The following GRIN2A variants were observed in gnomAD, a reference collection of about 807,000 sequenced individuals.
The protein encoded by GRIN2A is glutamate receptor ionotropic, NMDA 2A.
In GRIN2A, 22 loss-of-function variants were observed where a neutral mutation model predicts 113.4. That is an observed-to-expected ratio of 0.19 (90% confidence interval 0.14 to 0.28). The LOEUF is 0.28. GRIN2A is among the 10% of genes least tolerant of loss of function. The probability of loss-of-function intolerance (pLI) is 1.00; values close to 1 mark genes in which losing one functional copy is unlikely to be tolerated. For missense variants in GRIN2A, 1,502 were observed against 1,887.0 expected (o/e 0.80, Z 3.78); for synonymous variants, 827 against 738.4 (o/e 1.12, Z -1.94).
chr16:10,131,820 T>C (rs534206473), intron 2 of GRIN2A, among the ~76,000 whole-genome samples: 15 of 152,312 alleles, frequency 9.8e-5, no homozygotes, highest in Non-Finnish European at 1.6e-4. Flanking sequence ...CTAATATCCC[T>C]CTGCCTAGAG....
chr16:9,899,970 T>C (rs7202517), intron 3 of GRIN2A, among the ~76,000 whole-genome samples: 4,479 of 152,238 alleles, frequency 0.029, 222 homozygotes, highest in African/African-American at 0.1. Context: ...TTTGTTTCCT[T>C]TTCTGTAAAA....
intron 12 of GRIN2A, among the ~76,000 whole-genome samples, chr16:9,766,397 C>T (rs1045692304): frequency 6.6e-6 from 1 of 152,216 alleles, no homozygotes; most frequent in African/African-American, 2.4e-5. Context: ...CCACTCCAGC[C>T]TTCAAGGAAC....
chr16:10,093,169 A>G (rs1170080695), intron 2 of GRIN2A, among the ~76,000 whole-genome samples: 1 of 152,222 alleles, frequency 6.6e-6, no homozygotes, highest in Non-Finnish European at 1.5e-5. Flanking sequence ...AAAGAAGAGC[A>G]AGTGGGGCTC....
chr16:10,052,509 C>A (rs2047376016), intron 2 of GRIN2A, among the ~76,000 whole-genome samples: 1 of 152,192 alleles, frequency 6.6e-6, no homozygotes, highest in Non-Finnish European at 1.5e-5. Context: ...TCGCCATCTG[C>A]CCCAGGGGAC....
intron 4 of GRIN2A, among the ~76,000 whole-genome samples, chr16:9,859,637 C>G (rs1221823251): frequency 6.6e-6 from 1 of 150,982 alleles, no homozygotes; most frequent in Non-Finnish European, 1.5e-5. Context: ...CACACACACA[C>G]ACACACAGAG....
At chr16:9,922,970 G>A (rs2044385967) in intron 3 of GRIN2A, among the ~76,000 whole-genome samples, 1 of 152,066 alleles carries the variant, frequency 6.6e-6, no homozygotes, top group Admixed American at 6.6e-5. Context: ...TTGTTGGGTG[G>A]AGTGTTCCAC....
intron 2 of GRIN2A, among the ~76,000 whole-genome samples, chr16:10,092,475 T>C (rs141484083): frequency 1.3e-5 from 2 of 152,336 alleles, no homozygotes; most frequent in African/African-American, 4.8e-5. Context: ...CTTCAAGAGT[T>C]TGAATTTCTC....
At chr16:10,113,217 T>C (rs1161461343) in intron 2 of GRIN2A, among the ~76,000 whole-genome samples, 1 of 151,784 alleles carries the variant, frequency 6.6e-6, no homozygotes. Context: ...ACCTGGCTTC[T>C]CCTGTAGGGT....
intron 2 of GRIN2A, among the ~76,000 whole-genome samples, chr16:10,103,992 T>G (rs1210923763): frequency 2.0e-5 from 3 of 152,232 alleles, no homozygotes; most frequent in Non-Finnish European, 4.4e-5. Context: ...CCCTTAGTCA[T>G]GTTCCTTTTA....
At chr16:9,837,985 C>T (rs932296719) in intron 7 of GRIN2A, among the ~76,000 whole-genome samples, 4 of 152,122 alleles carry the variant, frequency 2.6e-5, no homozygotes, top group Non-Finnish European at 5.9e-5. Flanking sequence ...AAATCCATAG[C>T]GCTCTGAATG....
chr16:10,002,857 A>G (rs1182622754), intron 2 of GRIN2A, among the ~76,000 whole-genome samples: 1 of 152,220 alleles, frequency 6.6e-6, no homozygotes, highest in Non-Finnish European at 1.5e-5. Context: ...TGTGAACGAG[A>G]GTCACCCAAT....
At chr16:9,913,676 T>C (rs1254899911) in intron 3 of GRIN2A, among the ~76,000 whole-genome samples, 1 of 152,196 alleles carries the variant, frequency 6.6e-6, no homozygotes, top group African/African-American at 2.4e-5. Context: ...CCTTGTATCC[T>C]GGAAAAGAGC....
rs555571201 is a variant in GRIN2A at position 9,759,146 on chromosome 16, A to G, written c.*4003T>C. 33 of 216,776 alleles carry G rather than the reference A, an allele frequency of 1.5e-4. 1 individual carries two copies. Among genetic ancestry groups the G allele is most frequent in the African/African-American group, 6.7e-4 (30 of 44,566 alleles). The allele number at this position is 216,776 out of a possible 1,614,324, so 13.4% of individuals were successfully genotyped here. ...AATATATCCAGCTCCTCTGTAAGGT[A>G]TTTAGAGTTCTCAAATTAGTGTTTA... On this transcript the variant is annotated 3_prime_UTR_variant, in exon 13 of 13. Coordinates refer to ENST00000330684, the MANE Select transcript of GRIN2A (RefSeq NM_001134407.3).
At position 9,754,438 on chromosome 16, in the gene GRIN2A, A is replaced by C. The variant is rs1900278240; in HGVS notation, c.*8711T>G. 1 of 211,012 alleles carries C rather than the reference A, an allele frequency of 4.7e-6. No individual in the cohort carries two copies. The allele number at this position is 211,012 out of a possible 1,614,324, so 13.1% of individuals were successfully genotyped here. A position where few individuals can be genotyped will look rare whatever the true frequency, so the allele number is the denominator to read the frequency against. ...GAACTTATATCTTAAGTAGGCAATT[A>C]GCATCCCTTCCCAGTGAAAAATTTG... On this transcript the variant is annotated 3_prime_UTR_variant, in exon 13 of 13. Transcript: ENST00000330684.
At chr16:10,032,461 G>A (rs765062977) in intron 2 of GRIN2A, among the ~76,000 whole-genome samples, 12 of 152,066 alleles carry the variant, frequency 7.9e-5, no homozygotes, top group Admixed American at 2.6e-4. Context: ...TTCTTTTAGC[G>A]CCTTTTGCAT....
chr16:10,095,113 T>A (rs2048262015), intron 2 of GRIN2A, among the ~76,000 whole-genome samples: 1 of 152,094 alleles, frequency 6.6e-6, no homozygotes, highest in African/African-American at 2.4e-5. Context: ...TCCACCAGCA[T>A]GCACTGAGAA....
chr16:10,024,178 T>C (rs138190625), intron 2 of GRIN2A, among the ~76,000 whole-genome samples: 26 of 152,338 alleles, frequency 1.7e-4, no homozygotes, highest in Non-Finnish European at 3.4e-4. Flanking sequence ...TTTTGGCTCA[T>C]TGCAGACTAA....
intron 3 of GRIN2A, among the ~76,000 whole-genome samples, chr16:9,900,354 C>T (rs1184447837): frequency 6.6e-6 from 1 of 152,166 alleles, no homozygotes; most frequent in East Asian, 1.9e-4. Flanking sequence ...TGGTGCAAAG[C>T]CTGTAATCCA....
At chr16:10,014,158 G>A (rs1370840466) in intron 2 of GRIN2A, among the ~76,000 whole-genome samples, 1 of 152,138 alleles carries the variant, frequency 6.6e-6, no homozygotes, top group Non-Finnish European at 1.5e-5. Flanking sequence ...GAATGTGTAG[G>A]GGAGTCTGAC....
Sources: allele counts gnomAD v4.1 joint callset (sites outside exome capture counted in the v4.1 genomes callset), GRCh38; gene constraint gnomAD v4.1.1; transcripts MANE v1.5; gene names NCBI Gene and HGNC (gene_info 2026-07-23, HGNC 2026-07-21).